The following SYN3 variants were observed in gnomAD, a reference collection of about 807,000 sequenced individuals.
SYN3 encodes the protein synapsin-3.
Under a neutral mutation model 65.8 loss-of-function variants are expected in SYN3, and 35 were observed. The observed-to-expected ratio is 0.53, with a 90% CI of 0.41 to 0.70. The LOEUF (loss-of-function observed/expected upper bound fraction) is 0.70. Ranked by LOEUF, SYN3 falls within the 30% of genes least tolerant of loss-of-function variation. The probability of loss-of-function intolerance (pLI) is 0.00; values close to 1 mark genes in which losing one functional copy is unlikely to be tolerated. For synonymous variants in SYN3, 270 were observed against 292.9 expected (o/e 0.92, Z 0.80); for missense variants, 680 against 749.0 (o/e 0.91, Z 1.08).
intron 1 of SYN3, 104 bp downstream of exon 1, chr22:33,058,188 G>C (rs905504303): frequency 6.6e-6 from 1 of 152,344 alleles, no homozygotes; most frequent in Admixed American, 6.5e-5. Context: ...AGCTCCAGGG[G>C]ACGCAGCCCG....
intron 6 of SYN3, among the ~76,000 whole-genome samples, chr22:32,840,812 C>G (rs964414069): frequency 2.0e-5 from 3 of 152,200 alleles, no homozygotes; most frequent in African/African-American, 7.2e-5. Context: ...TGGCTCTGTC[C>G]TGGCTTTCCG....
intron 1 of SYN3, chr22:33,015,203 A>G (rs2053440630): frequency 3.7e-6 from 1 of 266,784 alleles, no homozygotes; most frequent in African/African-American, 2.7e-5. Flanking sequence ...CCTGGGCGAC[A>G]GAGTGAGACT....
At position 32,527,197 on chromosome 22, in the gene SYN3, A is replaced by C. The variant is rs951540423; in HGVS notation, c.1318+721T>G. Among the ~76,000 whole-genome samples the C allele has an allele frequency of 3.3e-5, 5 of 152,156 alleles. No individual in the cohort carries two copies. The East Asian group carries it at 7.7e-4, about 23-fold the overall frequency. ...TCTTACTCTAGCTGGTCGACTCACA[A>C]ATCTATCATCAGGCACCACTCATTG... On this transcript the variant is annotated intron_variant, in intron 12 of 13. Coordinates refer to ENST00000358763, the MANE Select transcript of SYN3 (RefSeq NM_003490.4).
chr22:33,030,548 G>A (rs1333808533), intron 1 of SYN3, among the ~76,000 whole-genome samples: 6 of 150,204 alleles, frequency 4.0e-5, no homozygotes, highest in Middle Eastern at 3.4e-3. Context: ...ACAGAGAAAC[G>A]GAAAAAATAT....
At chr22:32,523,606 T>C (rs2057926703) in intron 12 of SYN3, among the ~76,000 whole-genome samples, 2 of 152,172 alleles carry the variant, frequency 1.3e-5, no homozygotes, top group South Asian at 4.1e-4. Context: ...CATTTCCCTA[T>C]CTCTCTTCCT....
chr22:32,625,982 GGGT>G (rs1362798651), intron 6 of SYN3, among the ~76,000 whole-genome samples: 1 of 152,186 alleles, frequency 6.6e-6, no homozygotes, highest in East Asian at 1.9e-4. Flanking sequence ...CACGTCTACT[GGGT>G]GGGGAAGGAG....
intron 3 of SYN3, among the ~76,000 whole-genome samples, chr22:32,954,942 C>CTTTTTTTTTTT (rs770971735): frequency 2.5e-5 from 3 of 118,962 alleles, no homozygotes; most frequent in African/African-American, 6.0e-5. Flanking sequence ...TTTTCCTTTT[C>CTTTTTTTTTTT]TTTTTTTTTT....
In SYN3 at chr22:32,644,471, G is replaced by T. The variant is rs544407502; in HGVS notation, c.712-47735C>A. Among the ~76,000 whole-genome samples, 226 of 152,222 alleles carry T rather than the reference G, an allele frequency of 1.5e-3. 2 individuals are homozygous for T. In the Middle Eastern group the frequency reaches 0.024, roughly 16 times the overall value. ...CTGTCCTGCCACGTGAGTGTCAGGG[G>T]CCCTGGGAATGCCTTTTCAGCATGC... On this transcript the variant is annotated intron_variant, in intron 6 of 13. Transcript: ENST00000358763.
At chr22:32,523,975 T>C (rs759967115) in intron 12 of SYN3, among the ~76,000 whole-genome samples, 4 of 152,212 alleles carry the variant, frequency 2.6e-5, no homozygotes, top group Non-Finnish European at 4.4e-5. Context: ...AGACGCAACA[T>C]TGCCTTAAGC....
chr22:32,931,319 G>T, intron 4 of SYN3, 71 bp downstream of exon 4: 1 of 1,006,022 alleles, frequency 9.9e-7, no homozygotes, highest in Non-Finnish European at 1.6e-6. Flanking sequence ...GGAAGTGGAC[G>T]GAGGGGTGGG....
At chr22:32,909,905 GTGTACCC>G (rs1428566176) in intron 4 of SYN3, among the ~76,000 whole-genome samples, 17 of 152,166 alleles carry the variant, frequency 1.1e-4, no homozygotes, top group Admixed American at 9.8e-4. Context: ...TGCATGAAGA[GTGTACCC>G]TAGTCAGACG....
At position 32,979,831 on chromosome 22, in the gene SYN3, A is replaced by C. The variant is rs2052319134; in HGVS notation, c.369+814T>G. 1.3e-5 allele frequency among the ~76,000 whole-genome samples: 2 copies of C among 152,180 alleles called. 1 individual carries two copies. Among genetic ancestry groups the C allele is most frequent in the South Asian group, 4.1e-4 (2 of 4,828 alleles). ...AAGAAATTGAACTGGAGGGAGTGTAAGTATTGCTCAACCAAGGTCACAAGG... is the reference window on the plus strand; with the variant it reads ...AAGAAATTGAACTGGAGGGAGTGTACGTATTGCTCAACCAAGGTCACAAGG... On this transcript the variant is annotated intron_variant, in intron 3 of 13. Coordinates refer to ENST00000358763, the MANE Select transcript of SYN3 (RefSeq NM_003490.4).
intron 4 of SYN3, among the ~76,000 whole-genome samples, chr22:32,909,294 G>A (rs1254640830): frequency 6.6e-6 from 1 of 152,202 alleles, no homozygotes; most frequent in Non-Finnish European, 1.5e-5. Flanking sequence ...TTAAAGGCAG[G>A]TTAAATCCCG....
At chr22:32,517,223 GATAAA>G (rs2057792952) in intron 13 of SYN3, among the ~76,000 whole-genome samples, 2 of 152,332 alleles carry the variant, frequency 1.3e-5, no homozygotes, top group East Asian at 3.9e-4. Context: ...AAAAGCGTGT[GATAAA>G]ATAACATTTC....
At chr22:32,894,656 G>C (rs974597490) in intron 4 of SYN3, among the ~76,000 whole-genome samples, 1 of 152,212 alleles carries the variant, frequency 6.6e-6, no homozygotes, top group African/African-American at 2.4e-5. Flanking sequence ...TTCATCTTAT[G>C]TGTCAACTTG....
At chr22:32,569,571 C>CTCTCTATATATATATA (rs1205661126) in intron 7 of SYN3, among the ~76,000 whole-genome samples, 10 of 90,920 alleles carry the variant, frequency 1.1e-4, no homozygotes, top group African/African-American at 3.7e-4. Context: ...CTCTCTCTCT[C>CTCTCTATATATATATA]TATATATATA....
chr22:32,750,316 C>T (rs1490482821), intron 6 of SYN3, among the ~76,000 whole-genome samples: 1 of 152,108 alleles, frequency 6.6e-6, no homozygotes, highest in Non-Finnish European at 1.5e-5. Context: ...AGGTGTGGGA[C>T]GGAATCATAT....
intron 7 of SYN3, among the ~76,000 whole-genome samples, chr22:32,546,142 G>A (rs572314064): frequency 1.3e-5 from 2 of 152,092 alleles, no homozygotes; most frequent in East Asian, 3.9e-4. Context: ...TATGACACCT[G>A]GGCAATAAAA....
chr22:32,838,109 G>A (rs1157004777), intron 6 of SYN3, among the ~76,000 whole-genome samples: 1 of 152,168 alleles, frequency 6.6e-6, no homozygotes, highest in Non-Finnish European at 1.5e-5. Context: ...AGTAAAATAA[G>A]CTTCTTAAAG....
Sources: allele counts gnomAD v4.1 joint callset (sites outside exome capture counted in the v4.1 genomes callset), GRCh38; gene constraint gnomAD v4.1.1; transcripts MANE v1.5; gene names NCBI Gene and HGNC (gene_info 2026-07-23, HGNC 2026-07-21).